KLF17: variants seen among roughly 807,000 people sequenced by gnomAD.
KLF17 encodes the protein KLF transcription factor 17.
KLF17 carries 31 observed loss-of-function variants against 34.2 expected under a neutral mutation model. The ratio of observed to expected loss-of-function variants is 0.91; its 90% confidence interval spans 0.68 to 1.22. The LOEUF (loss-of-function observed/expected upper bound fraction) is 1.22, where lower values mean the gene tolerates loss of function less well. KLF17 is among the 50% of genes most tolerant of loss of function. KLF17 has a pLI of 0.00. For synonymous variants in KLF17, 179 were observed against 186.7 expected (o/e 0.96, Z 0.34); for missense variants, 478 against 505.2 (o/e 0.95, Z 0.52).
At chr1:44,082,995 G>A in the KLF17 span, among the ~76,000 whole-genome samples, 5 of 147,674 alleles carry the variant, frequency 3.4e-5, no homozygotes, top group Non-Finnish European at 7.4e-5. Flanking sequence ...AGGTTGGAGT[G>A]CAGTGGTGCC....
the KLF17 span, chr1:44,106,357 GT>G: frequency 6.6e-6 from 1 of 152,516 alleles, no homozygotes; most frequent in Non-Finnish European, 1.5e-5. Flanking sequence ...ATTTCTGTCT[GT>G]TTTCCCATCT....
intron 1 of KLF17, chr1:44,122,320 T>C (rs2087956300): frequency 6.3e-7 from 1 of 1,597,210 alleles, no homozygotes; most frequent in African/African-American, 1.3e-5. Flanking sequence ...AAATACCGAA[T>C]GTTATTTCCT....
the KLF17 span, among the ~76,000 whole-genome samples, chr1:44,108,366 A>G: frequency 6.6e-6 from 1 of 151,866 alleles, no homozygotes; most frequent in Admixed American, 6.6e-5. Context: ...CTGTTTCCCC[A>G]TTTTTCCTTC....
rs2087952836 is a variant in KLF17, at chr1:44,122,114, A to G, written c.81+3126A>G. On this transcript the variant is annotated intron_variant, in intron 1 of 3. Coordinates refer to ENST00000372299, the MANE Select transcript of KLF17 (RefSeq NM_173484.4). ...ACACAACCTGTACAAAAAATATCCC[A>G]AATCCCGTATGACTTTGAAACAGTA... is the stretch of plus-strand genomic sequence containing the variant. 4 of 1,274,846 alleles carry G rather than the reference A, an allele frequency of 3.1e-6. No homozygotes were observed. The South Asian group carries it at 3.6e-5, about 12-fold the overall frequency. The allele number at this position is 1,274,846 out of a possible 1,614,324, so 79.0% of individuals were successfully genotyped here.
intron 1 of KLF17, chr1:44,122,523 C>T (rs2087959936): frequency 2.3e-6 from 2 of 878,966 alleles, no homozygotes; most frequent in Non-Finnish European, 3.9e-6. Context: ...CCTAGCGGTG[C>T]CATCACCCTT....
rs2088152607 is a variant in KLF17, at chr1:44,135,034, A to G, written c.*1797A>G. 6.6e-6 allele frequency: 1 copy of G among 152,186 alleles called. No individual in the cohort carries two copies. Among genetic ancestry groups the G allele is most frequent in the Non-Finnish European group, 1.5e-5 (1 of 68,044 alleles). The allele number at this position is 152,186 out of a possible 1,614,324, so 9.4% of individuals were successfully genotyped here. ...ATGTTAGGAAGGTCAAAAAAAAGGA[A>G]AAAAGAAAAATAATAAAAAATAATA... is the stretch of plus-strand genomic sequence containing the variant. On this transcript the variant is annotated 3_prime_UTR_variant, in exon 4 of 4. Coordinates refer to ENST00000372299, the MANE Select transcript of KLF17 (RefSeq NM_173484.4).
the KLF17 span, chr1:44,110,731 G>A: frequency 5.3e-5 from 8 of 152,052 alleles, no homozygotes; most frequent in East Asian, 1.5e-3. Flanking sequence ...AATAAGGTTA[G>A]CTAAAGAAGG....
chr1:44,111,791 G>A, the KLF17 span, among the ~76,000 whole-genome samples: 1 of 152,162 alleles, frequency 6.6e-6, no homozygotes, highest in Admixed American at 6.5e-5. Flanking sequence ...TACTCCGGAG[G>A]CTGAGACAGG....
intron 1 of KLF17, among the ~76,000 whole-genome samples, chr1:44,127,769 T>A (rs1271285211): frequency 6.9e-6 from 1 of 145,984 alleles, no homozygotes; most frequent in Non-Finnish European, 1.5e-5. Flanking sequence ...TTTCTTCTCT[T>A]CTTTCTTTCT....
the KLF17 span, chr1:44,048,365 C>T: frequency 1.3e-5 from 2 of 152,108 alleles, no homozygotes; most frequent in African/African-American, 2.4e-5. Context: ...CAGAGCAGAC[C>T]GAAGACTGTG....
In KLF17 at chr1:44,122,363, T is replaced by G. The variant is rs866348154; in HGVS notation, c.81+3375T>G. ...TCAGCGTTTCCAGCTGTACAGGTTCTCTGTTCTTCGGGGTCATTTTCACAG... is the reference window on the plus strand; with the variant it reads ...TCAGCGTTTCCAGCTGTACAGGTTCGCTGTTCTTCGGGGTCATTTTCACAG... On this transcript the variant is annotated intron_variant, in intron 1 of 3. Coordinates refer to ENST00000372299, the MANE Select transcript of KLF17 (RefSeq NM_173484.4). 6.7e-5 allele frequency: 107 copies of G among 1,607,886 alleles called. 1 individual carries two copies. In the South Asian group the frequency reaches 1.0e-3, roughly 15 times the overall value.
At chr1:44,053,514 A>T in the KLF17 span, among the ~76,000 whole-genome samples, 1 of 152,130 alleles carries the variant, frequency 6.6e-6, no homozygotes, top group Non-Finnish European at 1.5e-5. Context: ...GTCAGCAGGC[A>T]TCCCTCCCCT....
intron 1 of KLF17, among the ~76,000 whole-genome samples, chr1:44,121,262 G>A (rs922632982): frequency 1.3e-4 from 20 of 152,014 alleles, no homozygotes; most frequent in African/African-American, 2.7e-4. Context: ...GATTACAGGC[G>A]TGTGCCACTC....
chr1:44,099,912 A>AGAAAGAAAGAAAGAAG, the KLF17 span, among the ~76,000 whole-genome samples: 1 of 67,376 alleles, frequency 1.5e-5, no homozygotes, highest in Non-Finnish European at 3.3e-5. Flanking sequence ...AAAGAAAGAA[A>AGAAAGAAAGAAAGAAG]GAAAGAAAAG....
At chr1:44,069,509 AGAG>A in the KLF17 span, among the ~76,000 whole-genome samples, 145 of 116,170 alleles carry the variant, frequency 1.2e-3, 2 homozygotes, top group African/African-American at 4.8e-3. This position sits in a 1 kb window ranked among gnomAD's most constrained non-coding sequence, Gnocchi z 4.7. Context: ...AGAGAGAGAG[AGAG>A]AAGACAGGAG....
In KLF17 at chr1:44,122,545, G is replaced by A. The variant is rs1205388023; in HGVS notation, c.81+3557G>A. The A allele has an allele frequency of 4.9e-6, 4 of 810,514 alleles. No homozygotes were observed. The African/African-American group carries it at 5.0e-5, about 10-fold the overall frequency. 50.2% of individuals were successfully genotyped at this position (810,514 alleles called of 1,614,324 possible). On this transcript the variant is annotated intron_variant, in intron 1 of 3. Coordinates refer to ENST00000372299, the MANE Select transcript of KLF17 (RefSeq NM_173484.4). ...GTGCCATCACCCTTTGGGTCCGATA[G>A]CACACTGAATCCAACAACCGAATAC...
At chr1:44,049,649 A>G in the KLF17 span, among the ~76,000 whole-genome samples, 25 of 152,054 alleles carry the variant, frequency 1.6e-4, no homozygotes, top group Non-Finnish European at 3.5e-4. Flanking sequence ...TGCCTGGCTA[A>G]TTTTTGTATT....
chr1:44,118,877 C>T lies in KLF17; in HGVS notation c.-31C>T. The T allele has an allele frequency of 6.4e-7, 1 of 1,573,576 alleles. No homozygotes were observed. The highest frequency in any genetic ancestry group is 8.6e-7 in the Non-Finnish European group (1 of 1,157,562). On this transcript the variant is annotated 5_prime_UTR_variant, in exon 1 of 4. Transcript: ENST00000372299. ...CGTGGTGGCTGGTTCCCTGTCTCTT[C>T]AGTAGAGAGTCTAGACCCCACCCAG...
the KLF17 span, among the ~76,000 whole-genome samples, chr1:44,090,670 G>A: frequency 1.3e-5 from 2 of 152,062 alleles, no homozygotes; most frequent in African/African-American, 4.8e-5. Context: ...ACCACGGGGA[G>A]GGACTGAAAA....
Sources: gnomAD v4.1 joint callset for allele counts (sites outside exome capture counted in the v4.1 genomes callset) on GRCh38, gnomAD v4.1.1 for gene constraint, Gnocchi (gnomAD v3.1) non-coding constraint, MANE v1.5 for transcripts, NCBI Gene and HGNC (gene_info 2026-07-23, HGNC 2026-07-21) for gene names.